Variants in ZGLP1 observed in about 807,000 individuals in gnomAD.
ZGLP1 encodes the protein zinc finger GATA like protein 1, also known as GATA-type zinc finger protein 1.
Under a neutral mutation model 21.4 loss-of-function variants are expected in ZGLP1, and 11 were observed. The observed-to-expected ratio is 0.51, with a 90% CI of 0.32 to 0.85. The LOEUF is 0.85. Ranked by LOEUF, ZGLP1 falls within the 40% of genes least tolerant of loss-of-function variation. The pLI is 0.03. For missense variants in ZGLP1, 295 were observed against 355.6 expected, an observed-to-expected ratio of 0.83 and a Z score of 1.37; for synonymous variants, 148 against 145.0, an observed-to-expected ratio of 1.02 and a Z score of -0.15.
At chr19:10,304,962 T>C (rs1412728485) in exon 4 of ZGLP1, 8 of 729,016 alleles carry the variant, frequency 1.1e-5, no homozygotes, top group Non-Finnish European at 1.8e-5. Flanking sequence ...CCGGGATCCT[T>C]GAATCTGGAG....
At chr19:10,307,098 C>T (rs2040283547) in intron 1 of ZGLP1, among the ~76,000 whole-genome samples, 1 of 150,302 alleles carries the variant, frequency 6.7e-6, no homozygotes, top group Admixed American at 6.6e-5. Flanking sequence ...TGTGTCATTG[C>T]ACTCCAGCCT....
intron 1 of ZGLP1, 71 bp downstream of exon 2, chr19:10,308,114 C>A (rs1237274219): frequency 6.7e-7 from 1 of 1,496,106 alleles, no homozygotes; most frequent in Non-Finnish European, 8.9e-7. Context: ...CCAGAGAGCA[C>A]CCCTACCTCC....
exon 4 of ZGLP1, chr19:10,304,837 G>A (rs1228255200): frequency 1.7e-5 from 9 of 543,384 alleles, no homozygotes; most frequent in East Asian, 3.1e-5. Flanking sequence ...TGTCCCTGCT[G>A]TAACAATGCT....
At chr19:10,307,812 G>C (rs1184086611) in intron 1 of ZGLP1, among the ~76,000 whole-genome samples, 2 of 152,336 alleles carry the variant, frequency 1.3e-5, no homozygotes, top group Non-Finnish European at 1.5e-5. Context: ...CACTGTGCCC[G>C]GCCTCCCCAG....
Position 10,305,647 on chromosome 19 carries a change from G to A in ZGLP1, c.605-164C>T, listed in dbSNP as rs772874081. On this transcript the variant is annotated intron_variant, in intron 2 of 3. Coordinates refer to ENST00000403903, the Ensembl canonical transcript of ZGLP1. This position sits in a 1 kb window ranked among gnomAD's most constrained non-coding sequence, Gnocchi z 4.7. ...CTAAGCCACAGCAAAGCCAGGAAGG[G>A]AGACAGATGGCAGCATTCCGCAGAG... 1 of 748,960 alleles carries A rather than the reference G, an allele frequency of 1.3e-6. No homozygotes were observed. Among genetic ancestry groups the A allele is most frequent in the Non-Finnish European group, 2.2e-6 (1 of 446,968 alleles). The allele number at this position is 748,960 out of a possible 1,614,324, so 46.4% of individuals were successfully genotyped here.
chr19:10,305,544 T>C lies in ZGLP1; in HGVS notation c.605-61A>G. 6.9e-7 allele frequency: 1 copy of C among 1,445,706 alleles called. No homozygotes were observed. The highest frequency in any genetic ancestry group is 9.5e-7 in the Non-Finnish European group (1 of 1,049,644). The allele number at this position is 1,445,706 out of a possible 1,614,324, so 89.6% of individuals were successfully genotyped here. A position where few individuals can be genotyped will look rare whatever the true frequency, so the allele number is the denominator to read the frequency against. On this transcript the variant is annotated intron_variant, in intron 2 of 3. Coordinates refer to ENST00000403903, the Ensembl canonical transcript of ZGLP1. The surrounding 1 kb of genome is among the most constrained non-coding windows in gnomAD (Gnocchi z 4.7). ...GCCAAGCATGTGAGCTCGGGATGCC[T>C]GTGCGGAGTCGGGCATTTTGTGGGG...
At chr19:10,308,872 G>T (rs2040295802) in exon 1 of ZGLP1, 2 of 454,248 alleles carry the variant, frequency 4.4e-6, no homozygotes, top group Non-Finnish European at 7.4e-6. Context: ...CGAGAAAAAG[G>T]TTACTTTTTT....
At chr19:10,306,983 A>C (rs752574600) in intron 1 of ZGLP1, among the ~76,000 whole-genome samples, 1 of 151,800 alleles carries the variant, frequency 6.6e-6, no homozygotes, top group Non-Finnish European at 1.5e-5. Flanking sequence ...AAAATACAAA[A>C]ATTAGCCAGG....
At position 10,305,884 on chromosome 19, in the gene ZGLP1, C is replaced by T. The variant is rs372010625; in HGVS notation, c.566G>A (p.Gly189Glu). ...GCCTGCTGAGTGGGCCTCGGTGCCT[C>T]CTGGGTGGGCTGCAGGGCCCCCAAC... Residue 189 changes from glycine (G) to glutamate (E), a missense_variant, in exon 2 of 4, where the codon GGA becomes GAA. This residue lies in a region of ZGLP1 where 252 missense variants were observed against 264.0 expected (regional missense o/e 0.95). Transcript: ENST00000403903. This position sits in a 1 kb window ranked among gnomAD's most constrained non-coding sequence, Gnocchi z 4.7. The T allele has an allele frequency of 1.3e-6, 2 of 1,563,138 alleles. No homozygotes were observed. The highest frequency in any genetic ancestry group is 1.9e-5 in the Admixed American group (1 of 52,680).
chr19:10,305,499 T>C lies in ZGLP1; in HGVS notation c.605-16A>G, dbSNP rs745654014. 3 of 1,582,842 alleles carry C rather than the reference T, an allele frequency of 1.9e-6. No homozygotes were observed. The highest frequency in any genetic ancestry group is 8.6e-7 in the Non-Finnish European group (1 of 1,164,134). ...CGCCGGGGCTCTGAAGGGTCAGAGGTCAAAGGGCAGGGGTCAGAGGCCAAG... is the reference window on the plus strand; with the variant it reads ...CGCCGGGGCTCTGAAGGGTCAGAGGCCAAAGGGCAGGGGTCAGAGGCCAAG... On this transcript the variant is annotated splice_polypyrimidine_tract_variant and intron_variant, in intron 2 of 3. Transcript: ENST00000403903. This position sits in a 1 kb window ranked among gnomAD's most constrained non-coding sequence, Gnocchi z 4.7.
chr19:10,307,400 A>C (rs965522020), intron 1 of ZGLP1, among the ~76,000 whole-genome samples: 28 of 142,028 alleles, frequency 2.0e-4, no homozygotes, highest in African/African-American at 7.1e-4. Context: ...CCCAGGCTGG[A>C]GTGCAGTGGT....
intron 1 of ZGLP1, among the ~76,000 whole-genome samples, chr19:10,306,195 C>T (rs1468791143): frequency 1.3e-5 from 2 of 151,858 alleles, no homozygotes; most frequent in Non-Finnish European, 2.9e-5. Flanking sequence ...TCACTACAAC[C>T]TCCACCTCCC....
Position 10,305,718 on chromosome 19 carries a change from G to A in ZGLP1, c.604+128C>T. ...TGACTCAGCCCAAGTGGAGGGGGGTGCTGCGACTCCTCCCTGAGGGCTCTA... is the reference window on the plus strand; with the variant it reads ...TGACTCAGCCCAAGTGGAGGGGGGTACTGCGACTCCTCCCTGAGGGCTCTA... On this transcript the variant is annotated intron_variant, in intron 2 of 3. Coordinates refer to ENST00000403903, the Ensembl canonical transcript of ZGLP1. The surrounding 1 kb of genome is among the most constrained non-coding windows in gnomAD (Gnocchi z 4.7). 2.5e-6 allele frequency: 2 copies of A among 811,448 alleles called. No homozygotes were observed. The highest frequency in any genetic ancestry group is 1.5e-5 in the South Asian group (1 of 66,368). 50.3% of individuals were successfully genotyped at this position (811,448 alleles called of 1,614,324 possible).
At chr19:10,308,242 A>G in exon 1 of ZGLP1, 1 of 1,578,262 alleles carries the variant, frequency 6.3e-7, no homozygotes. Flanking sequence ...CTTCAGAGTC[A>G]CCCCCTCGAA....
At chr19:10,308,420 C>G in exon 1 of ZGLP1, 1 of 1,609,132 alleles carries the variant, frequency 6.2e-7, no homozygotes. Context: ...CCCTGAGTCC[C>G]CAGAGCCATC....
intron 1 of ZGLP1, 101 bp from the exon 3 acceptor site, chr19:10,306,053 G>A (rs1054885248): frequency 8.2e-6 from 6 of 730,060 alleles, no homozygotes; most frequent in Admixed American, 6.5e-5. Context: ...GCCATCCCCC[G>A]AGGAGGCAAC....
At chr19:10,306,101 A>ATAT (rs3073811) in intron 1 of ZGLP1, 149 bp from the exon 3 acceptor site, 60,094 of 359,278 alleles carry the variant, frequency 0.17, 4,886 homozygotes, top group Admixed American at 0.28. Context: ...CTCATTAGTA[A>ATAT]TATTATTATT....
At chr19:10,306,269 C>T (rs1157171611) in intron 1 of ZGLP1, among the ~76,000 whole-genome samples, 1 of 151,884 alleles carries the variant, frequency 6.6e-6, no homozygotes, top group Non-Finnish European at 1.5e-5. Flanking sequence ...CGCGACACCA[C>T]GCCCAGCTAA....
rs537688301 is a variant in ZGLP1 at position 10,306,001 on chromosome 19, C to A, written c.498-49G>T. The A allele has an allele frequency of 9.8e-6, 13 of 1,327,520 alleles. No homozygotes were observed. In the East Asian group the frequency reaches 3.3e-4, roughly 34 times the overall value. The allele number at this position is 1,327,520 out of a possible 1,614,324, so 82.2% of individuals were successfully genotyped here. ...CACTGGGGGGGATCTGTAGCTTGTC[C>A]CCAACAGCCCTCCGAAATGAAGATT... On this transcript the variant is annotated intron_variant, in intron 1 of 3. Coordinates refer to ENST00000403903, the Ensembl canonical transcript of ZGLP1.
Sources: gnomAD v4.1 joint callset for allele counts (sites outside exome capture counted in the v4.1 genomes callset) on GRCh38, gnomAD v4.1.1 for gene constraint, gnomAD v4.1.1 regional missense constraint, Gnocchi (gnomAD v3.1) non-coding constraint, MANE v1.5 for transcripts, NCBI Gene and HGNC (gene_info 2026-07-23, HGNC 2026-07-21) for gene names.